FOXP1: variants seen among roughly 807,000 people sequenced by gnomAD.
The protein encoded by FOXP1 is forkhead box P1, also known as forkhead box protein P1.
A neutral mutation model predicts 98.2 loss-of-function variants in FOXP1; 15 were observed. The observed-to-expected ratio is 0.15, with a 90% CI of 0.10 to 0.24. FOXP1 has a LOEUF of 0.24. FOXP1 is among the 10% of genes least tolerant of loss of function. The pLI is 1.00. For missense variants in FOXP1, 633 were observed against 848.5 expected (o/e 0.75, Z 3.15); for synonymous variants, 371 against 314.5 (o/e 1.18, Z -1.90).
chr3:71,026,072 C>T (rs1234414229), intron 11 of FOXP1, among the ~76,000 whole-genome samples: 1 of 152,184 alleles, frequency 6.6e-6, no homozygotes, highest in Non-Finnish European at 1.5e-5. Context: ...AACATACCAA[C>T]TCATAATATG....
At chr3:71,580,812 G>T (rs1010525753) in intron 2 of FOXP1, 3 of 985,318 alleles carry the variant, frequency 3.0e-6, no homozygotes, top group Non-Finnish European at 3.6e-6. Context: ...TTAAGTCTAC[G>T]TACAACCAAT....
intron 18 of FOXP1, chr3:70,972,039 C>T (rs1004956887): frequency 2.3e-5 from 33 of 1,459,428 alleles, no homozygotes; most frequent in Non-Finnish European, 2.9e-5. Flanking sequence ...AAGTTTTCAT[C>T]GGGGCAGTAT....
intron 5 of FOXP1, among the ~76,000 whole-genome samples, chr3:71,291,323 G>A (rs943741818): frequency 1.3e-5 from 2 of 152,124 alleles, no homozygotes; most frequent in African/African-American, 4.8e-5. Flanking sequence ...TATCCAAAAC[G>A]ATCATTTCAA....
chr3:71,531,309 C>T (rs1478476469), intron 2 of FOXP1, among the ~76,000 whole-genome samples: 1 of 152,306 alleles, frequency 6.6e-6, no homozygotes, highest in East Asian at 1.9e-4. Context: ...GCCATTTCCA[C>T]TAGCACAGGC....
intron 2 of FOXP1, among the ~76,000 whole-genome samples, chr3:71,548,678 T>C (rs182666401): frequency 2.0e-5 from 3 of 152,260 alleles, no homozygotes; most frequent in Non-Finnish European, 4.4e-5. Context: ...AGATTACAGG[T>C]GTGAGTCACC....
intron 6 of FOXP1, among the ~76,000 whole-genome samples, chr3:71,120,397 G>A (rs2058674693): frequency 6.6e-6 from 1 of 152,204 alleles, no homozygotes; most frequent in Non-Finnish European, 1.5e-5. Flanking sequence ...CCAACAGCTG[G>A]ACAAATTGTC....
chr3:71,018,203 T>A (rs1214745151), intron 11 of FOXP1, among the ~76,000 whole-genome samples: 1 of 152,224 alleles, frequency 6.6e-6, no homozygotes, highest in Non-Finnish European at 1.5e-5. Context: ...GGATCCAAGA[T>A]CTGAATAAAA....
At chr3:71,131,586 T>C (rs1046552141) in intron 6 of FOXP1, among the ~76,000 whole-genome samples, 1 of 152,162 alleles carries the variant, frequency 6.6e-6, no homozygotes, top group African/African-American at 2.4e-5. Context: ...AGTGGGATGT[T>C]TACATAGGCC....
At position 71,428,565 on chromosome 3, in the gene FOXP1, C is replaced by A. The variant is rs181274949; in HGVS notation, c.-168+64861G>T. ...TATCTTAACAAGTCTTGTTCAGAGG[C>A]CTGCCTTCTGGTTTTTAATGTCATG... On this transcript the variant is annotated intron_variant, in intron 3 of 20. Coordinates refer to ENST00000649528, the MANE Select transcript of FOXP1 (RefSeq NM_001349338.3). Among the ~76,000 whole-genome samples the A allele has an allele frequency of 4.6e-5, 7 of 152,326 alleles. No homozygotes were observed. In the East Asian group the frequency reaches 1.2e-3, roughly 25 times the overall value.
intron 3 of FOXP1, among the ~76,000 whole-genome samples, chr3:71,474,485 C>A (rs1372773945): frequency 6.6e-6 from 1 of 152,182 alleles, no homozygotes; most frequent in East Asian, 1.9e-4. Context: ...CCAGGCTGCA[C>A]AGCAGGAGGT....
At chr3:71,251,652 A>G (rs2068196381) in intron 5 of FOXP1, among the ~76,000 whole-genome samples, 1 of 152,178 alleles carries the variant, frequency 6.6e-6, no homozygotes, top group Non-Finnish European at 1.5e-5. Context: ...TTCCTGAGTG[A>G]TATATAGAGA....
chr3:71,161,749 G>C (rs1280113474), intron 6 of FOXP1, among the ~76,000 whole-genome samples: 8 of 152,204 alleles, frequency 5.3e-5, no homozygotes, highest in Admixed American at 3.9e-4. Context: ...ACCAAATTTT[G>C]ATGAGTGGGA....
In FOXP1 at chr3:71,554,810, C is replaced by A. The variant is rs144551206; in HGVS notation, c.-298+26739G>T. ...CACATTTTCTTTCACTTTGTGTGGA[C>A]ACAGTCTCCTGAAAATATGTACTAA... On this transcript the variant is annotated intron_variant, in intron 2 of 20. Transcript: ENST00000649528. 6.6e-5 allele frequency among the ~76,000 whole-genome samples: 10 copies of A among 152,322 alleles called. No individual in the cohort carries two copies. The East Asian group carries it at 1.9e-3, about 29-fold the overall frequency.
intron 3 of FOXP1, among the ~76,000 whole-genome samples, chr3:71,374,281 C>T (rs55887547): frequency 0.025 from 3,805 of 152,196 alleles, 141 homozygotes; most frequent in African/African-American, 0.085. Context: ...GTATTTTATT[C>T]AGAATTTGCA....
intron 3 of FOXP1, among the ~76,000 whole-genome samples, chr3:71,440,180 C>A (rs376773600): frequency 3.4e-4 from 52 of 152,150 alleles, no homozygotes; most frequent in African/African-American, 1.3e-3. Context: ...ACTGGTTGCA[C>A]AACAATATGA....
intron 3 of FOXP1, among the ~76,000 whole-genome samples, chr3:71,477,939 C>T (rs972337504): frequency 2.0e-5 from 3 of 152,146 alleles, no homozygotes; most frequent in African/African-American, 7.2e-5. Flanking sequence ...TATAATTTTG[C>T]TAATTAAAAA....
intron 3 of FOXP1, among the ~76,000 whole-genome samples, chr3:71,460,587 C>A (rs1018735288): frequency 2.6e-5 from 4 of 152,172 alleles, no homozygotes; most frequent in African/African-American, 9.7e-5. Flanking sequence ...CAGGTGCACA[C>A]CGCCAGGCTT....
At chr3:71,419,190 G>A (rs1275005492) in intron 3 of FOXP1, among the ~76,000 whole-genome samples, 1 of 114,670 alleles carries the variant, frequency 8.7e-6, no homozygotes, top group East Asian at 2.8e-4. Flanking sequence ...AGCTGTGATT[G>A]CACTACTGCA....
At chr3:71,433,631 A>T (rs1425801073) in intron 3 of FOXP1, among the ~76,000 whole-genome samples, 1 of 152,084 alleles carries the variant, frequency 6.6e-6, no homozygotes, top group Non-Finnish European at 1.5e-5. Context: ...AGAATATAAA[A>T]CAGGTTCACG....
Sources: gnomAD v4.1 joint callset for allele counts (sites outside exome capture counted in the v4.1 genomes callset) on GRCh38, gnomAD v4.1.1 for gene constraint, MANE v1.5 for transcripts, NCBI Gene and HGNC (gene_info 2026-07-23, HGNC 2026-07-21) for gene names.